Variants in SLC38A4 observed in about 807,000 individuals in gnomAD.
The protein encoded by SLC38A4 is sodium-coupled neutral amino acid transporter 4.
A neutral mutation model predicts 63.1 loss-of-function variants in SLC38A4; 20 were observed. The ratio of observed to expected loss-of-function variants is 0.32; its 90% CI spans 0.22 to 0.46. The LOEUF (loss-of-function observed/expected upper bound fraction) is 0.46, where lower values mean the gene tolerates loss of function less well. Among genes scored for constraint, SLC38A4 ranks in the 20% least tolerant of loss-of-function variants. SLC38A4 has a pLI of 1.00. For synonymous variants in SLC38A4, 230 were observed against 225.5 expected (o/e 1.02, Z -0.18); for missense variants, 526 against 663.6 (o/e 0.79, Z 2.28).
intron 1 of SLC38A4, among the ~76,000 whole-genome samples, chr12:46,831,783 G>A (rs1219814486): frequency 6.6e-6 from 1 of 152,208 alleles, no homozygotes; most frequent in Non-Finnish European, 1.5e-5. Context: ...CCAGGGACTC[G>A]GGTAACACCT....
intron 1 of SLC38A4, among the ~76,000 whole-genome samples, chr12:46,825,311 G>A (rs1565680971): frequency 1.2e-5 from 1 of 85,400 alleles, no homozygotes; most frequent in East Asian, 2.8e-4. Flanking sequence ...AATATACAAA[G>A]TTTATATATA....
chr12:46,804,260 T>C (rs1381879491), intron 1 of SLC38A4, among the ~76,000 whole-genome samples: 3 of 151,964 alleles, frequency 2.0e-5, no homozygotes, highest in Admixed American at 6.6e-5. Flanking sequence ...AACGGCAGTG[T>C]GCTGAGTAGG....
Position 46,801,951 on chromosome 12 carries a change from T to C in SLC38A4, c.-113+1652A>G, listed in dbSNP as rs555328215. On this transcript the variant is annotated intron_variant, in intron 2 of 16. Transcript: ENST00000266579. ...TATTGCTAGTGCTAATATTTTGGCA[T>C]TTCCTTTTTTCCTCTACTCAGATAT... Among the ~76,000 whole-genome samples the C allele has an allele frequency of 1.2e-4, 18 of 152,212 alleles. No homozygotes were observed. The South Asian group carries it at 3.7e-3, about 32-fold the overall frequency.
chr12:46,788,398 G>C (rs1364767768), intron 4 of SLC38A4, 130 bp downstream of exon 4: 5 of 704,172 alleles, frequency 7.1e-6, no homozygotes, highest in South Asian at 1.8e-5. Context: ...ATTCCAGTAA[G>C]AGCCTGAATA....
intron 4 of SLC38A4, 67 bp from the exon 5 acceptor site, chr12:46,788,098 T>C: frequency 8.6e-7 from 1 of 1,162,648 alleles, no homozygotes; most frequent in Non-Finnish European, 1.3e-6. Flanking sequence ...GGGTTATCCT[T>C]ATTCTCACAT....
intron 1 of SLC38A4, among the ~76,000 whole-genome samples, chr12:46,823,571 A>C (rs1445190648): frequency 6.6e-6 from 1 of 152,250 alleles, no homozygotes; most frequent in Admixed American, 6.5e-5. Flanking sequence ...GAAATCATTA[A>C]AACAGAGACT....
chr12:46,831,536 C>A (rs1459482023), intron 1 of SLC38A4, among the ~76,000 whole-genome samples: 4 of 152,242 alleles, frequency 2.6e-5, no homozygotes, highest in East Asian at 3.9e-4. Flanking sequence ...GCGCGGTAAG[C>A]CGCCCTCGGA....
intron 6 of SLC38A4, 128 bp from the exon 7 acceptor site, chr12:46,784,762 A>G: frequency 2.9e-6 from 2 of 686,096 alleles, no homozygotes; most frequent in Non-Finnish European, 4.8e-6. Flanking sequence ...TAAGCCCAAA[A>G]GATGCAACCT....
At chr12:46,819,880 A>G (rs1296893013) in intron 1 of SLC38A4, among the ~76,000 whole-genome samples, 1 of 151,974 alleles carries the variant, frequency 6.6e-6, no homozygotes, top group Non-Finnish European at 1.5e-5. Context: ...AACCAGAAGT[A>G]TTAATTAACT....
At chr12:46,830,294 T>TCA (rs1438303397), upstream of SLC38A4, among the ~76,000 whole-genome samples, 3 of 118,860 alleles carry the variant, frequency 2.5e-5, no homozygotes, top group Non-Finnish European at 4.9e-5. Flanking sequence ...TCTCTCTCTC[T>TCA]CTCTCACACA....
intron 14 of SLC38A4, 91 bp from the exon 15 acceptor site, chr12:46,769,519 TTTCC>T (rs1487567657): frequency 6.5e-6 from 9 of 1,383,442 alleles, no homozygotes; most frequent in Non-Finnish European, 8.8e-6. Flanking sequence ...ATGCATTTTC[TTTCC>T]TTTTCTTTTT....
At chr12:46,773,512 T>A (rs1938462935) in intron 14 of SLC38A4, among the ~76,000 whole-genome samples, 1 of 152,136 alleles carries the variant, frequency 6.6e-6, no homozygotes, top group African/African-American at 2.4e-5. Context: ...GTTCTTATGG[T>A]CAATTTTGGT....
At chr12:46,782,334 T>C (rs1043867859) in intron 7 of SLC38A4, among the ~76,000 whole-genome samples, 41 of 151,970 alleles carry the variant, frequency 2.7e-4, no homozygotes, top group African/African-American at 9.7e-4. Context: ...TCAATAAGGA[T>C]ACTGTAAACA....
At chr12:46,825,584 C>T (rs961337471) in intron 1 of SLC38A4, among the ~76,000 whole-genome samples, 2 of 152,146 alleles carry the variant, frequency 1.3e-5, no homozygotes, top group Non-Finnish European at 2.9e-5. Context: ...AACACGAACC[C>T]TTTTAGTTAG....
intron 1 of SLC38A4, among the ~76,000 whole-genome samples, chr12:46,815,445 T>G (rs1274216098): frequency 1.3e-5 from 2 of 151,642 alleles, no homozygotes; most frequent in East Asian, 1.9e-4. Flanking sequence ...TCCTTTTTTA[T>G]TTTTGCACAG....
At chr12:46,830,719 GGA>G (rs1343608947), upstream of SLC38A4, among the ~76,000 whole-genome samples, 2 of 152,186 alleles carry the variant, frequency 1.3e-5, no homozygotes, top group Admixed American at 1.3e-4. Flanking sequence ...TCTGGGCTAG[GGA>G]GAGTCTGCGG....
chr12:46,828,169 T>C (rs888500948), upstream of SLC38A4, among the ~76,000 whole-genome samples: 12 of 152,180 alleles, frequency 7.9e-5, no homozygotes, highest in African/African-American at 2.7e-4. Context: ...CCTCCAATTC[T>C]TTGCCTGGCT....
chr12:46,766,117 C>A lies in SLC38A4; in HGVS notation c.*584G>T, dbSNP rs1383085043. Reference sequence around the variant, plus strand: ...AACTCAATGTCACAAACAGGGTGGGCAAAATATTATTTTGCTGTTGACAAT... The same window carrying A: ...AACTCAATGTCACAAACAGGGTGGGAAAAATATTATTTTGCTGTTGACAAT... On this transcript the variant is annotated 3_prime_UTR_variant, in exon 17 of 17. Transcript: ENST00000266579. 3 of 200,020 alleles carry A rather than the reference C, an allele frequency of 1.5e-5. No homozygotes were observed. The highest frequency in any genetic ancestry group is 3.1e-5 in the Non-Finnish European group (3 of 96,672). 12.4% of individuals were successfully genotyped at this position (200,020 alleles called of 1,614,324 possible). A position where few individuals can be genotyped will look rare whatever the true frequency, so the allele number is the denominator to read the frequency against.
intron 2 of SLC38A4, among the ~76,000 whole-genome samples, chr12:46,796,612 C>T (rs1327849932): frequency 6.6e-6 from 1 of 152,124 alleles, no homozygotes; most frequent in Non-Finnish European, 1.5e-5. Flanking sequence ...ATCCCACTCC[C>T]AGACACAGCT....
Sources: allele counts gnomAD v4.1 joint callset (sites outside exome capture counted in the v4.1 genomes callset), GRCh38; gene constraint gnomAD v4.1.1; transcripts MANE v1.5; gene names NCBI Gene and HGNC (gene_info 2026-07-23, HGNC 2026-07-21).